Variants in PLCH1 observed in about 807,000 individuals in gnomAD.
PLCH1 encodes the protein 1-phosphatidylinositol 4,5-bisphosphate phosphodiesterase eta-1.
PLCH1 carries 60 observed loss-of-function variants against 126.7 expected under a neutral mutation model. That is an observed-to-expected ratio of 0.47 (90% confidence interval 0.38 to 0.59). PLCH1 has a LOEUF of 0.59. PLCH1 is among the 20% of genes least tolerant of loss of function. The probability of loss-of-function intolerance (pLI) is 0.00; values close to 1 mark genes in which losing one functional copy is unlikely to be tolerated. For missense variants in PLCH1, 1,723 were observed against 2,040.0 expected, an observed-to-expected ratio of 0.84 and a Z score of 2.99; for synonymous variants, 719 against 734.9, an observed-to-expected ratio of 0.98 and a Z score of 0.35.
chr3:155,725,670 C>T (rs1748267785), intron 1 of PLCH1, among the ~76,000 whole-genome samples: 1 of 152,090 alleles, frequency 6.6e-6, no homozygotes. Flanking sequence ...GAACTCCTGA[C>T]CTCAGGTGAT....
At chr3:155,566,321 A>ACGTG (rs1491097611) in intron 7 of PLCH1, among the ~76,000 whole-genome samples, 3 of 45,410 alleles carry the variant, frequency 6.6e-5, no homozygotes, top group East Asian at 1.1e-3. Flanking sequence ...ACATATATAC[A>ACGTG]TATATATACG....
At chr3:155,707,288 T>C (rs1287028328) in intron 1 of PLCH1, among the ~76,000 whole-genome samples, 1 of 152,092 alleles carries the variant, frequency 6.6e-6, no homozygotes, top group Non-Finnish European at 1.5e-5. Context: ...AATAAATGAA[T>C]CTACAGATGA....
At chr3:155,659,311 T>TG (rs1741830942) in intron 2 of PLCH1, among the ~76,000 whole-genome samples, 1 of 58,118 alleles carries the variant, frequency 1.7e-5, no homozygotes, top group African/African-American at 1.0e-4. Flanking sequence ...TCTTTTTTTT[T>TG]TTTTTTTTTT....
At chr3:155,461,005 T>A (rs1432618877) in intron 21 of PLCH1, among the ~76,000 whole-genome samples, 1 of 152,222 alleles carries the variant, frequency 6.6e-6, no homozygotes. Context: ...CTGACTTTCA[T>A]CAGTAGGGAA....
chr3:155,571,309 C>T (rs1729195321), intron 6 of PLCH1, among the ~76,000 whole-genome samples: 1 of 152,136 alleles, frequency 6.6e-6, no homozygotes, highest in Non-Finnish European at 1.5e-5. Context: ...TAAGTCAAAA[C>T]TAAGATCTTT....
intron 2 of PLCH1, among the ~76,000 whole-genome samples, chr3:155,600,061 C>T (rs1733516718): frequency 6.6e-6 from 1 of 152,094 alleles, no homozygotes; most frequent in Admixed American, 6.5e-5. Flanking sequence ...ACAGAAAAGC[C>T]ATTTGGATAG....
chr3:155,563,707 A>G (rs1727933494), intron 8 of PLCH1, among the ~76,000 whole-genome samples: 2 of 152,078 alleles, frequency 1.3e-5, no homozygotes, highest in Admixed American at 1.3e-4. Context: ...TGCAAATCTG[A>G]TCATATCACT....
At chr3:155,488,198 G>A in intron 20 of PLCH1, 91 bp from the exon 21 acceptor site, 2 of 736,782 alleles carry the variant, frequency 2.7e-6, no homozygotes, top group South Asian at 1.6e-5. Context: ...TGACTTGACT[G>A]TAGTTCTTTT....
chr3:155,523,126 C>T (rs1016661229), intron 11 of PLCH1, among the ~76,000 whole-genome samples: 3 of 152,080 alleles, frequency 2.0e-5, no homozygotes, highest in Admixed American at 6.5e-5. Context: ...AGGCGCCCAC[C>T]ACCACGCCCG....
chr3:155,561,985 T>C (rs555892797), intron 8 of PLCH1, among the ~76,000 whole-genome samples: 1 of 152,290 alleles, frequency 6.6e-6, no homozygotes, highest in African/African-American at 2.4e-5. Context: ...TTTCACCATG[T>C]TGGCCAGGCT....
At chr3:155,595,124 T>C (rs1248394708) in intron 3 of PLCH1, among the ~76,000 whole-genome samples, 5 of 152,064 alleles carry the variant, frequency 3.3e-5, no homozygotes, top group South Asian at 2.1e-4. Context: ...TTATGGTGGA[T>C]TGGAAAGCTC....
At chr3:155,664,037 T>A (rs1742463731) in intron 2 of PLCH1, among the ~76,000 whole-genome samples, 1 of 152,184 alleles carries the variant, frequency 6.6e-6, no homozygotes. Context: ...AGTTAATATT[T>A]GCTAACCGAT....
At chr3:155,597,835 T>G (rs1278648844) in intron 2 of PLCH1, among the ~76,000 whole-genome samples, 1 of 152,128 alleles carries the variant, frequency 6.6e-6, no homozygotes, top group Non-Finnish European at 1.5e-5. Flanking sequence ...GAAGATGAAG[T>G]ATAGGTTGCG....
rs965913151 is a variant in PLCH1 at position 155,638,633 on chromosome 3, C to T, written c.80-42255G>A. On this transcript the variant is annotated intron_variant, in intron 2 of 22. Coordinates refer to ENST00000460012, the MANE Select transcript of PLCH1 (RefSeq NM_014996.4). Reference sequence around the variant, plus strand: ...TGAAGTCTTGAACTTCAAGCTACTTCCAACTCTAGAAATGATTTGGGCAAG... The same window carrying T: ...TGAAGTCTTGAACTTCAAGCTACTTTCAACTCTAGAAATGATTTGGGCAAG... Among the ~76,000 whole-genome samples, 19 of 152,320 alleles carry T rather than the reference C, an allele frequency of 1.2e-4. No homozygotes were observed. In the Middle Eastern group the frequency reaches 0.01, roughly 82 times the overall value.
intron 2 of PLCH1, among the ~76,000 whole-genome samples, chr3:155,669,101 G>A (rs1460341174): frequency 6.6e-6 from 1 of 150,848 alleles, no homozygotes; most frequent in Non-Finnish European, 1.5e-5. Context: ...ATCAACCACA[G>A]TTATGCCCGA....
At chr3:155,707,847 T>C (rs368203777) in intron 1 of PLCH1, among the ~76,000 whole-genome samples, 2 of 152,136 alleles carry the variant, frequency 1.3e-5, no homozygotes, top group Admixed American at 6.5e-5. Context: ...CCTACAGACA[T>C]ATATGTAATA....
intron 10 of PLCH1, among the ~76,000 whole-genome samples, chr3:155,533,907 G>A: frequency 6.6e-6 from 1 of 152,220 alleles, no homozygotes; most frequent in Non-Finnish European, 1.5e-5. Context: ...GCCTGCAGGT[G>A]CACAGAAGTC....
At chr3:155,610,938 CACCA>C (rs988788889) in intron 2 of PLCH1, among the ~76,000 whole-genome samples, 2 of 152,118 alleles carry the variant, frequency 1.3e-5, no homozygotes, top group Non-Finnish European at 2.9e-5. Flanking sequence ...AATAAAAATC[CACCA>C]ACCAAGTATC....
At chr3:155,674,136 T>C (rs1205233012) in intron 2 of PLCH1, among the ~76,000 whole-genome samples, 1 of 152,208 alleles carries the variant, frequency 6.6e-6, no homozygotes, top group Admixed American at 6.5e-5. Flanking sequence ...TCAAGCTTGC[T>C]CCTGCTTCTA....
Sources: allele counts gnomAD v4.1 joint callset (sites outside exome capture counted in the v4.1 genomes callset), GRCh38; gene constraint gnomAD v4.1.1; transcripts MANE v1.5; gene names NCBI Gene and HGNC (gene_info 2026-07-23, HGNC 2026-07-21).